The following KCNH1 variants were observed in gnomAD, a reference collection of about 807,000 sequenced individuals.
The protein encoded by KCNH1 is potassium voltage-gated channel subfamily H member 1, also known as voltage-gated delayed rectifier potassium channel KCNH1.
KCNH1 carries 27 observed loss-of-function variants against 69.2 expected under a neutral mutation model. The ratio of observed to expected loss-of-function variants is 0.39; its 90% confidence interval spans 0.29 to 0.54. The LOEUF is 0.54. KCNH1 is among the 20% of genes least tolerant of loss of function. KCNH1 has a pLI of 0.68. For missense variants in KCNH1, 798 were observed against 1,261.6 expected (o/e 0.63, Z 5.57); for synonymous variants, 456 against 487.7 (o/e 0.93, Z 0.86).
intron 6 of KCNH1, among the ~76,000 whole-genome samples, chr1:210,922,087 A>T (rs921679548): frequency 6.6e-6 from 1 of 152,054 alleles, no homozygotes; most frequent in Non-Finnish European, 1.5e-5. Context: ...GCCCTTTAAA[A>T]AAAAAACTGA....
intron 9 of KCNH1, among the ~76,000 whole-genome samples, chr1:210,781,607 A>C (rs901074452): frequency 6.6e-6 from 1 of 152,174 alleles, no homozygotes; most frequent in African/African-American, 2.4e-5. Flanking sequence ...CCCTAAGCAG[A>C]ATGTGTGCAT....
intron 6 of KCNH1, among the ~76,000 whole-genome samples, chr1:210,947,876 A>T (rs890826022): frequency 6.6e-6 from 1 of 152,052 alleles, no homozygotes. Context: ...ATGGAATGAG[A>T]ACACTCCATC....
intron 6 of KCNH1, among the ~76,000 whole-genome samples, chr1:210,936,178 C>T (rs1185133283): frequency 6.6e-6 from 1 of 152,184 alleles, no homozygotes; most frequent in Non-Finnish European, 1.5e-5. Context: ...CTGCAGGTAA[C>T]CTCTTTTTAC....
chr1:210,883,952 T>G (rs1222516219), intron 7 of KCNH1, among the ~76,000 whole-genome samples: 2 of 152,200 alleles, frequency 1.3e-5, no homozygotes, highest in African/African-American at 2.4e-5. Flanking sequence ...GAGGCAAACC[T>G]CTTCCTCCCA....
intron 6 of KCNH1, among the ~76,000 whole-genome samples, chr1:211,013,180 G>A (rs551666455): frequency 3.1e-4 from 47 of 152,324 alleles, no homozygotes; most frequent in African/African-American, 1.1e-3. Context: ...ACAGCCATAA[G>A]TTAACAGGAT....
At chr1:211,129,082 A>T (rs1043678294) in intron 1 of KCNH1, among the ~76,000 whole-genome samples, 2 of 152,222 alleles carry the variant, frequency 1.3e-5, no homozygotes, top group Admixed American at 1.3e-4. Flanking sequence ...ATTGTATAGC[A>T]TGTCCCCCCA....
chr1:210,877,062 C>T (rs1424871664), intron 7 of KCNH1, among the ~76,000 whole-genome samples: 1 of 81,058 alleles, frequency 1.2e-5, no homozygotes, highest in East Asian at 3.7e-4. Context: ...CTTTAATCCT[C>T]TGAATTAAAA....
chr1:210,977,410 T>C (rs546409340), intron 6 of KCNH1, among the ~76,000 whole-genome samples: 1 of 152,126 alleles, frequency 6.6e-6, no homozygotes, highest in Non-Finnish European at 1.5e-5. Flanking sequence ...AACCTGCACG[T>C]TGTGCACTTG....
intron 5 of KCNH1, among the ~76,000 whole-genome samples, chr1:211,040,272 G>A (rs374300482): frequency 2.3e-4 from 35 of 151,834 alleles, no homozygotes; most frequent in Non-Finnish European, 4.4e-4. Flanking sequence ...GACTTGGAGC[G>A]GCCAGGAGCA....
chr1:210,911,450 C>A (rs1405409078), intron 7 of KCNH1, among the ~76,000 whole-genome samples: 1 of 151,956 alleles, frequency 6.6e-6, no homozygotes, highest in African/African-American at 2.4e-5. Flanking sequence ...TTGCTAACAT[C>A]CAATCCTTTG....
intron 10 of KCNH1, among the ~76,000 whole-genome samples, chr1:210,753,030 C>G (rs1267306439): frequency 6.6e-6 from 1 of 152,140 alleles, no homozygotes; most frequent in Non-Finnish European, 1.5e-5. Flanking sequence ...CCACCAGAAG[C>G]TGAAAGAGGC....
intron 6 of KCNH1, among the ~76,000 whole-genome samples, chr1:210,961,858 A>G (rs1405781824): frequency 6.6e-6 from 1 of 152,112 alleles, no homozygotes; most frequent in Non-Finnish European, 1.5e-5. Flanking sequence ...GAAAAAAAAA[A>G]AGAATACAGT....
intron 7 of KCNH1, among the ~76,000 whole-genome samples, chr1:210,866,589 C>T (rs1199846348): frequency 2.6e-5 from 4 of 152,020 alleles, no homozygotes; most frequent in Non-Finnish European, 5.9e-5. Context: ...ATTAAAATGG[C>T]CATAATCAAA....
intron 10 of KCNH1, among the ~76,000 whole-genome samples, chr1:210,724,912 G>A (rs1167614276): frequency 6.6e-6 from 1 of 152,114 alleles, no homozygotes; most frequent in African/African-American, 2.4e-5. Flanking sequence ...CTGCTATGTG[G>A]AACAGAACAT....
intron 10 of KCNH1, among the ~76,000 whole-genome samples, chr1:210,694,629 C>T (rs183102202): frequency 2.0e-5 from 3 of 152,344 alleles, no homozygotes; most frequent in South Asian, 2.1e-4. Context: ...AGGCCCTAGT[C>T]CCAGGCCCCC....
At chr1:210,729,085 C>T (rs1574216206) in intron 10 of KCNH1, among the ~76,000 whole-genome samples, 1 of 152,204 alleles carries the variant, frequency 6.6e-6, no homozygotes, top group Admixed American at 6.5e-5. Context: ...TGAAGCTGGG[C>T]TTCTATTTGG....
At chr1:210,707,721 C>T (rs187039772) in intron 10 of KCNH1, among the ~76,000 whole-genome samples, 2 of 152,106 alleles carry the variant, frequency 1.3e-5, no homozygotes, top group Non-Finnish European at 2.9e-5. Context: ...CTAAAAAGTC[C>T]CTCAGCACTA....
At chr1:211,030,529 G>C (rs537411406) in intron 5 of KCNH1, among the ~76,000 whole-genome samples, 1 of 152,096 alleles carries the variant, frequency 6.6e-6, no homozygotes, top group Non-Finnish European at 1.5e-5. Flanking sequence ...TTTAACAAAC[G>C]GCATGGGAAC....
At chr1:211,117,969 T>C (rs187999565) in intron 1 of KCNH1, among the ~76,000 whole-genome samples, 76 of 152,288 alleles carry the variant, frequency 5.0e-4, no homozygotes, top group Non-Finnish European at 8.4e-4. Flanking sequence ...GCAGCCTGGG[T>C]CATTTCAAAA....
Sources: allele counts gnomAD v4.1 joint callset (sites outside exome capture counted in the v4.1 genomes callset), GRCh38; gene constraint gnomAD v4.1.1; transcripts MANE v1.5; gene names NCBI Gene and HGNC (gene_info 2026-07-23, HGNC 2026-07-21).